PRCD: variants seen among roughly 807,000 people sequenced by gnomAD.
PRCD encodes the protein photoreceptor disk component PRCD.
A neutral mutation model predicts 10.1 loss-of-function variants in PRCD; 12 were observed. The ratio of observed to expected loss-of-function variants is 1.18; its 90% CI spans 0.76 to 1.92. The LOEUF (loss-of-function observed/expected upper bound fraction) is 1.92, where lower values mean the gene tolerates loss of function less well. PRCD is among the 40% of genes most tolerant of loss of function. The pLI is 0.00. For missense variants in PRCD, 61 were observed against 72.2 expected, an observed-to-expected ratio of 0.84 and a Z score of 0.56; for synonymous variants, 31 against 26.2, an observed-to-expected ratio of 1.18 and a Z score of -0.56.
Position 76,531,642 on chromosome 17 carries a change from G to A in PRCD, n.45+3809G>A. 1.9e-6 allele frequency: 3 copies of A among 1,610,510 alleles called. No individual in the cohort carries two copies. The highest frequency in any genetic ancestry group is 1.1e-5 in the South Asian group (1 of 91,024). ...TCCATCTCCAGGGGATCCTCCATGT[G>A]CTTGAACTGGCTGAAGTACTGCTTG... On this transcript the variant is annotated intron_variant and non_coding_transcript_variant, in intron 1 of 4. Coordinates refer to the PRCD transcript ENST00000397633. This position sits in a 1 kb window ranked among gnomAD's most constrained non-coding sequence, Gnocchi z 7.4.
rs556991819 is a variant in PRCD, at chr17:76,544,878, C to G, written c.*1228C>G. ...TGGCTCACGGCCCAGACGCACTTCC[C>G]CAGGGCAGCGCCCCTCCACGCCACT... On this transcript the variant is annotated 3_prime_UTR_variant, in exon 5 of 5. Coordinates refer to ENST00000592014, the MANE Select transcript of PRCD (RefSeq NM_001077620.3). 27 of 456,826 alleles carry G rather than the reference C, an allele frequency of 5.9e-5. No homozygotes were observed. The highest frequency in any genetic ancestry group is 4.2e-4 in the African/African-American group (21 of 50,232). 28.3% of individuals were successfully genotyped at this position (456,826 alleles called of 1,614,324 possible). A position where few individuals can be genotyped will look rare whatever the true frequency, so the allele number is the denominator to read the frequency against.
At chr17:76,537,579 C>CGGCGGT (rs780265713), upstream of PRCD, 85 of 1,253,986 alleles carry the variant, frequency 6.8e-5, no homozygotes, top group Non-Finnish European at 8.0e-5. Flanking sequence ...TGCTCGGCGG[C>CGGCGGT]GGCGGTGGCG....
chr17:76,531,584 C>T lies in PRCD; in HGVS notation n.45+3751C>T, dbSNP rs757964200. 2.2e-5 allele frequency: 35 copies of T among 1,613,976 alleles called. No homozygotes were observed. The highest frequency in any genetic ancestry group is 2.5e-5 in the Non-Finnish European group (30 of 1,179,836). ...GACAGTGTTGAGGGCCCCCATGACTCGGCAGGCGTGCTTCCGCAGCTGGGG... is the reference window on the plus strand; with the variant it reads ...GACAGTGTTGAGGGCCCCCATGACTTGGCAGGCGTGCTTCCGCAGCTGGGG... On this transcript the variant is annotated intron_variant and non_coding_transcript_variant, in intron 1 of 4. Coordinates refer to the PRCD transcript ENST00000397633. This position sits in a 1 kb window ranked among gnomAD's most constrained non-coding sequence, Gnocchi z 7.4.
chr17:76,537,604 G>A (rs1158481613), upstream of PRCD: 17 of 1,050,360 alleles, frequency 1.6e-5, no homozygotes, highest in African/African-American at 6.8e-5. Flanking sequence ...GCGGGGCGCG[G>A]GGCGCGGGGC....
chr17:76,545,476 A>G (rs2075045593), downstream of PRCD: 17 of 423,882 alleles, frequency 4.0e-5, 1 homozygote, highest in South Asian at 2.8e-4. Context: ...GGGCAGATAA[A>G]GGGCAGCTAG....
rs950410483 is a variant in PRCD, at chr17:76,534,000, C to A, written n.45+6167C>A. Reference sequence around the variant, plus strand: ...CTGCCATGAGCCATGATGGCGCCACCGTACTCCAGCTTGGGTGACAGAGCA... The same window carrying A: ...CTGCCATGAGCCATGATGGCGCCACAGTACTCCAGCTTGGGTGACAGAGCA... On this transcript the variant is annotated intron_variant and non_coding_transcript_variant, in intron 1 of 4. Coordinates refer to the PRCD transcript ENST00000397633. The surrounding 1 kb of genome is among the most constrained non-coding windows in gnomAD (Gnocchi z 4.5). 4.6e-5 allele frequency among the ~76,000 whole-genome samples: 7 copies of A among 151,406 alleles called. No individual in the cohort carries two copies. The highest frequency in any genetic ancestry group is 1.7e-4 in the African/African-American group (7 of 41,158).
chr17:76,547,999 C>T (rs2075071569), downstream of PRCD, among the ~76,000 whole-genome samples: 2 of 151,996 alleles, frequency 1.3e-5, no homozygotes, highest in Non-Finnish European at 2.9e-5. Context: ...CATTCACACA[C>T]ACATTCACAC....
At chr17:76,537,317 T>C, upstream of PRCD, 1 of 1,394,570 alleles carries the variant, frequency 7.2e-7, no homozygotes, top group Non-Finnish European at 9.3e-7. Context: ...GCGCTGGAGC[T>C]CGGACCCGGG....
At chr17:76,548,104 AACAC>A (rs765753099), downstream of PRCD, among the ~76,000 whole-genome samples, 26 of 151,866 alleles carry the variant, frequency 1.7e-4, no homozygotes, top group South Asian at 1.0e-3. Flanking sequence ...GACACACAGA[AACAC>A]ACACACATAA....
At chr17:76,547,630 AACACACACACATTCAC>A (rs2075064469), downstream of PRCD, among the ~76,000 whole-genome samples, 1 of 106,842 alleles carries the variant, frequency 9.4e-6, no homozygotes, top group Non-Finnish European at 1.8e-5. Context: ...TCCCTATGTG[AACACACACACATTCAC>A]ACACACACAC....
In PRCD at chr17:76,544,696, A is replaced by T. The variant is rs747782076; in HGVS notation, c.*1046A>T. Reference sequence around the variant, plus strand: ...TGACAGGCCTGTCAGGCTGAGGGCCAGAGGGCACTGTTCCCGGGACCCAGT... The same window carrying T: ...TGACAGGCCTGTCAGGCTGAGGGCCTGAGGGCACTGTTCCCGGGACCCAGT... On this transcript the variant is annotated 3_prime_UTR_variant, in exon 5 of 5. Transcript: ENST00000592014. The T allele has an allele frequency of 2.2e-6, 1 of 456,772 alleles. No individual in the cohort carries two copies. Among genetic ancestry groups the T allele is most frequent in the South Asian group, 1.5e-5 (1 of 64,572 alleles). 28.3% of individuals were successfully genotyped at this position (456,772 alleles called of 1,614,324 possible).
intron 1 of PRCD, chr17:76,552,903 T>C (rs998644989): frequency 7.3e-6 from 1 of 137,792 alleles, no homozygotes; most frequent in East Asian, 2.0e-4. Context: ...TATATAAAAA[T>C]ATATATATAT....
chr17:76,544,387 A>G lies in PRCD; in HGVS notation c.*737A>G, dbSNP rs1201854920. 1 of 454,858 alleles carries G rather than the reference A, an allele frequency of 2.2e-6. No homozygotes were observed. The allele number at this position is 454,858 out of a possible 1,614,324, so 28.2% of individuals were successfully genotyped here. On this transcript the variant is annotated 3_prime_UTR_variant, in exon 5 of 5. Transcript: ENST00000592014. The stretch of plus-strand genomic sequence containing the variant: ...AGGGAAAGGGTGAGGGATGCCGCAG[A>G]GCAGAGGGAACCGCTGGGGAGGCGC...
At chr17:76,537,872 G>T (rs1451645045), upstream of PRCD, 1 of 151,446 alleles carries the variant, frequency 6.6e-6, no homozygotes, top group Admixed American at 6.6e-5. Context: ...AAGGCTGCGC[G>T]GGGTGGGGGC....
chr17:76,548,053 CACAT>C (rs2075072352), downstream of PRCD, among the ~76,000 whole-genome samples: 2 of 151,086 alleles, frequency 1.3e-5, no homozygotes, highest in African/African-American at 2.5e-5. Context: ...AACATTCACA[CACAT>C]ACACACAGAC....
chr17:76,527,709 C>T (rs8189), upstream of PRCD: 201,413 of 453,780 alleles, frequency 0.44, 46,688 homozygotes, highest in East Asian at 0.62. Flanking sequence ...CCGGATCCCC[C>T]GGGGCTGCCC....
At chr17:76,529,183 TC>T in intron 1 of PRCD, 1 of 984,692 alleles carries the variant, frequency 1.0e-6, no homozygotes, top group Non-Finnish European at 1.2e-6. Flanking sequence ...ACTCTGTAAC[TC>T]CATCCTACCC....
At position 76,530,900 on chromosome 17, in the gene PRCD, C is replaced by T; in HGVS notation, n.45+3067C>T. On this transcript the variant is annotated intron_variant and non_coding_transcript_variant, in intron 1 of 4. Transcript: ENST00000397633. This position sits in a 1 kb window ranked among gnomAD's most constrained non-coding sequence, Gnocchi z 6.1. The stretch of plus-strand genomic sequence containing the variant: ...GCCCAGGTGATCAGCCCCAGGGCCT[C>T]AGGAGATATGGGAGACCTCGGGGAC... The T allele has an allele frequency of 6.9e-7, 1 of 1,458,344 alleles. No homozygotes were observed. Among genetic ancestry groups the T allele is most frequent in the Non-Finnish European group, 9.2e-7 (1 of 1,091,984 alleles). The allele number at this position is 1,458,344 out of a possible 1,614,324, so 90.3% of individuals were successfully genotyped here.
chr17:76,547,021 C>G (rs79335883), downstream of PRCD: 11 of 152,202 alleles, frequency 7.2e-5, no homozygotes, highest in African/African-American at 2.7e-4. Context: ...CTACAAGGCA[C>G]AAGGAATGGA....
Sources: gnomAD v4.1 joint callset for allele counts (sites outside exome capture counted in the v4.1 genomes callset) on GRCh38, gnomAD v4.1.1 for gene constraint, Gnocchi (gnomAD v3.1) non-coding constraint, MANE v1.5 for transcripts, NCBI Gene and HGNC (gene_info 2026-07-23, HGNC 2026-07-21) for gene names.